Variants in FBXO15 observed in about 807,000 individuals in gnomAD.
FBXO15 encodes F-box protein 15.
A neutral mutation model predicts 49.5 loss-of-function variants in FBXO15; 30 were observed. The ratio of observed to expected loss-of-function variants is 0.61; its 90% CI spans 0.45 to 0.82. FBXO15 has a LOEUF of 0.82. Among genes scored for constraint, FBXO15 ranks in the 40% least tolerant of loss-of-function variants. The pLI, the probability that FBXO15 is intolerant of heterozygous loss-of-function variation, is 0.00. For missense variants in FBXO15, 591 were observed against 631.5 expected, an observed-to-expected ratio of 0.94 and a Z score of 0.69; for synonymous variants, 250 against 232.7, an observed-to-expected ratio of 1.07 and a Z score of -0.68.
chr18:74,084,444 G>C (rs749729150), intron 8 of FBXO15, among the ~76,000 whole-genome samples: 1 of 152,236 alleles, frequency 6.6e-6, no homozygotes, highest in African/African-American at 2.4e-5. Context: ...CGCCTCAGGC[G>C]GGCAGGAGCA....
chr18:74,089,961 C>T (rs1912947249), intron 8 of FBXO15, among the ~76,000 whole-genome samples: 1 of 152,136 alleles, frequency 6.6e-6, no homozygotes, highest in Non-Finnish European at 1.5e-5. Context: ...CCCTCCACCT[C>T]AATTTTTTGG....
At chr18:74,110,090 A>G (rs1415996913) in intron 8 of FBXO15, among the ~76,000 whole-genome samples, 1 of 151,134 alleles carries the variant, frequency 6.6e-6, no homozygotes, top group Non-Finnish European at 1.5e-5. Context: ...CTTATTCATA[A>G]TTGACCTAAC....
At chr18:74,088,982 CTTAAT>C (rs1396467044) in intron 8 of FBXO15, among the ~76,000 whole-genome samples, 1 of 152,020 alleles carries the variant, frequency 6.6e-6, no homozygotes, top group Non-Finnish European at 1.5e-5. Flanking sequence ...TTCTTTTTCT[CTTAAT>C]TTAAGTTCTG....
At chr18:74,124,247 C>A (rs115591658) in intron 7 of FBXO15, among the ~76,000 whole-genome samples, 6 of 152,174 alleles carry the variant, frequency 3.9e-5, no homozygotes, top group Non-Finnish European at 8.8e-5. Flanking sequence ...ATCAAGCTAT[C>A]CTACCCATAC....
chr18:74,077,751 G>A (rs1490756969), intron 9 of FBXO15, among the ~76,000 whole-genome samples: 1 of 152,200 alleles, frequency 6.6e-6, no homozygotes, highest in African/African-American at 2.4e-5. Flanking sequence ...CAGGCAGCCG[G>A]AGCCCTCCTG....
At chr18:74,132,103 T>C (rs1471025565) in intron 3 of FBXO15, among the ~76,000 whole-genome samples, 1 of 152,250 alleles carries the variant, frequency 6.6e-6, no homozygotes, top group South Asian at 2.1e-4. Context: ...CTAGCTTTTA[T>C]ATTAAAGTGT....
chr18:74,107,243 T>A, intron 8 of FBXO15, among the ~76,000 whole-genome samples: 1 of 148,698 alleles, frequency 6.7e-6, no homozygotes. Flanking sequence ...TATGGATGAA[T>A]CTAGAAGACA....
At chr18:74,142,710 G>C (rs1979162198) in intron 1 of FBXO15, among the ~76,000 whole-genome samples, 2 of 152,036 alleles carry the variant, frequency 1.3e-5, no homozygotes, top group Admixed American at 6.6e-5. Flanking sequence ...CCCTCATCCA[G>C]TATGACCTCA....
At chr18:74,103,075 T>A (rs545594866) in intron 8 of FBXO15, among the ~76,000 whole-genome samples, 2 of 152,068 alleles carry the variant, frequency 1.3e-5, no homozygotes, top group South Asian at 2.1e-4. Flanking sequence ...TGTAACCAGA[T>A]ACCACCTGTT....
At chr18:74,077,863 C>T (rs1477833130) in intron 9 of FBXO15, among the ~76,000 whole-genome samples, 3 of 152,148 alleles carry the variant, frequency 2.0e-5, no homozygotes, top group Non-Finnish European at 2.9e-5. Context: ...ATCCATCTTC[C>T]ACACCCCACC....
intron 5 of FBXO15, 144 bp from the exon 6 acceptor site, chr18:74,126,245 G>A: frequency 9.2e-7 from 1 of 1,085,076 alleles, no homozygotes; most frequent in African/African-American, 1.6e-5. Flanking sequence ...GGCAGGGTGA[G>A]GACACAAATG....
chr18:74,143,172 TGTA>T (rs1979191420), intron 1 of FBXO15, among the ~76,000 whole-genome samples: 1 of 152,188 alleles, frequency 6.6e-6, no homozygotes, highest in Non-Finnish European at 1.5e-5. Context: ...TAAATATTAT[TGTA>T]GTTCATCAAA....
At chr18:74,122,610 T>G (rs915109389) in intron 8 of FBXO15, 5 of 152,234 alleles carry the variant, frequency 3.3e-5, no homozygotes, top group African/African-American at 9.6e-5. Flanking sequence ...AGAATACTTT[T>G]AATAATGAAG....
intron 8 of FBXO15, among the ~76,000 whole-genome samples, chr18:74,087,391 C>G (rs1599138146): frequency 6.6e-6 from 1 of 152,176 alleles, no homozygotes; most frequent in Admixed American, 6.5e-5. Flanking sequence ...TCCTCCAACC[C>G]TCCACCCTCA....
intron 1 of FBXO15, among the ~76,000 whole-genome samples, chr18:74,145,159 A>G (rs1979324572): frequency 6.6e-6 from 1 of 152,226 alleles, no homozygotes; most frequent in Admixed American, 6.5e-5. Flanking sequence ...TCTTTGGCTA[A>G]AACATTTAAC....
At chr18:74,092,046 C>A (rs1295834310) in intron 8 of FBXO15, among the ~76,000 whole-genome samples, 1 of 152,156 alleles carries the variant, frequency 6.6e-6, no homozygotes, top group Non-Finnish European at 1.5e-5. Flanking sequence ...TCTCTTTAAT[C>A]CCATATTTCT....
chr18:74,110,057 G>GA (rs1458155875), intron 8 of FBXO15, among the ~76,000 whole-genome samples: 1 of 151,306 alleles, frequency 6.6e-6, no homozygotes, highest in Admixed American at 6.6e-5. Context: ...AGGAATAAGT[G>GA]AAAAAATAAA....
chr18:74,137,538 G>A (rs1046111966), intron 2 of FBXO15, among the ~76,000 whole-genome samples: 2 of 152,310 alleles, frequency 1.3e-5, no homozygotes, highest in Admixed American at 1.3e-4. Flanking sequence ...CTAATGAAAA[G>A]GGGGGTACTC....
chr18:74,090,819 T>C (rs1912992132), intron 8 of FBXO15, among the ~76,000 whole-genome samples: 1 of 152,226 alleles, frequency 6.6e-6, no homozygotes, highest in Non-Finnish European at 1.5e-5. Context: ...TTGTTTTATG[T>C]CTGGTTGTGT....
Sources: gnomAD v4.1 joint callset for allele counts (sites outside exome capture counted in the v4.1 genomes callset) on GRCh38, gnomAD v4.1.1 for gene constraint, MANE v1.5 for transcripts, NCBI Gene and HGNC (gene_info 2026-07-23, HGNC 2026-07-21) for gene names.